The following PACS2 variants were observed in gnomAD, a reference collection of about 807,000 sequenced individuals.
PACS2 encodes phosphofurin acidic cluster sorting protein 2, also known as PACS1-like protein.
PACS2 carries 36 observed loss-of-function variants against 113.0 expected under a neutral mutation model. The ratio of observed to expected loss-of-function variants is 0.32; its 90% confidence interval spans 0.24 to 0.42. PACS2 has a LOEUF of 0.42. Among genes scored for constraint, PACS2 ranks in the 10% least tolerant of loss-of-function variants. The probability of loss-of-function intolerance (pLI) is 1.00; values close to 1 mark genes in which losing one functional copy is unlikely to be tolerated. For missense variants in PACS2, 1,015 were observed against 1,239.5 expected (o/e 0.82, Z 2.72); for synonymous variants, 589 against 536.1 (o/e 1.10, Z -1.36).
In PACS2 at chr14:105,396,632, C is replaced by T. The variant is rs1319625910; in HGVS notation, c.*1960C>T. 6 of 151,836 alleles carry T rather than the reference C, an allele frequency of 4.0e-5. No homozygotes were observed. The highest frequency in any genetic ancestry group is 1.2e-4 in the African/African-American group (5 of 41,228). The allele number at this position is 151,836 out of a possible 1,614,324, so 9.4% of individuals were successfully genotyped here. A position where few individuals can be genotyped will look rare whatever the true frequency, so the allele number is the denominator to read the frequency against. On this transcript the variant is annotated 3_prime_UTR_variant, in exon 25 of 25. Transcript: ENST00000447393. ...TCTCCTGCCTCAGCCTCCCGAGTAGCTGGGATTACAGGCGTGTGCCACCAC... is the reference window on the plus strand; with the variant it reads ...TCTCCTGCCTCAGCCTCCCGAGTAGTTGGGATTACAGGCGTGTGCCACCAC...
rs1392285014 is a variant in PACS2 at position 105,382,975 on chromosome 14, C to T, written c.1625+62C>T. On this transcript the variant is annotated intron_variant, in intron 15 of 24. Transcript: ENST00000447393. ...ACCCCTCGGGGTCCCTGCACCCCCA[C>T]CTCTGCCCATTGCTCCGGGGCTAGG... is the stretch of plus-strand genomic sequence containing the variant. 7 of 980,580 alleles carry T rather than the reference C, an allele frequency of 7.1e-6. No homozygotes were observed. The Admixed American group carries it at 9.0e-5, about 13-fold the overall frequency. The allele number at this position is 980,580 out of a possible 1,614,324, so 60.7% of individuals were successfully genotyped here. A position where few individuals can be genotyped will look rare whatever the true frequency, so the allele number is the denominator to read the frequency against.
rs200350311 is a variant in PACS2 at position 105,352,587 on chromosome 14, GC to G, written c.297+126del. ...TCATCACTGTCCCCTGGGGTGATGG[GC>G]CCCCCTCATCAGTGTCCCCTGGGGA... On this transcript the variant is annotated intron_variant, in intron 3 of 24. Coordinates refer to ENST00000447393, the MANE Select transcript of PACS2 (RefSeq NM_001100913.3). The G allele has an allele frequency of 0.021, 12,493 of 598,872 alleles. 1,475 individuals carry two copies. The African/African-American group carries it at 0.23, about 11-fold the overall frequency. 37.1% of individuals were successfully genotyped at this position (598,872 alleles called of 1,614,324 possible). A position where few individuals can be genotyped will look rare whatever the true frequency, so the allele number is the denominator to read the frequency against.
chr14:105,358,017 G>T lies in PACS2; in HGVS notation c.423+2840G>T, dbSNP rs1240416814. Among the ~76,000 whole-genome samples the T allele has an allele frequency of 6.6e-6, 1 of 152,200 alleles. No homozygotes were observed. Among genetic ancestry groups the T allele is most frequent in the Non-Finnish European group, 1.5e-5 (1 of 68,018 alleles). The stretch of plus-strand genomic sequence containing the variant: ...CCAGGCTGTGGGGAGACCAGGAGGC[G>T]ATGGCTGTGGGGACACAGGTGTCAT... On this transcript the variant is annotated intron_variant, in intron 4 of 24. Transcript: ENST00000447393. The surrounding 1 kb of genome is among the most constrained non-coding windows in gnomAD (Gnocchi z 4.9).
chr14:105,312,596 G>A (rs895514006), upstream of PACS2, among the ~76,000 whole-genome samples: 1 of 152,200 alleles, frequency 6.6e-6, no homozygotes, highest in Non-Finnish European at 1.5e-5. Context: ...GCATGGGGAG[G>A]GATGCCTCCC....
chr14:105,364,425 G>T (rs1390552196), intron 4 of PACS2, among the ~76,000 whole-genome samples: 1 of 128,116 alleles, frequency 7.8e-6, no homozygotes, highest in Non-Finnish European at 1.6e-5. Flanking sequence ...GCGGTGTCCC[G>T]GGTGCGCGGT....
chr14:105,306,267 A>G (rs1406866567), intron 1 of PACS2, among the ~76,000 whole-genome samples: 1 of 151,802 alleles, frequency 6.6e-6, no homozygotes, highest in Non-Finnish European at 1.5e-5. Context: ...TTCTTCATTC[A>G]TGGTGTCTTT....
intron 1 of PACS2, among the ~76,000 whole-genome samples, chr14:105,302,204 CTTT>C (rs1274491955): frequency 2.3e-5 from 3 of 132,766 alleles, no homozygotes; most frequent in African/African-American, 2.7e-5. Context: ...TTTTTTCTTT[CTTT>C]TTTTTTTTTT....
intron 8 of PACS2, chr14:105,372,015 C>T (rs2061174656): frequency 6.6e-6 from 1 of 152,216 alleles, no homozygotes; most frequent in Admixed American, 6.5e-5. Context: ...TGTTAGAGGC[C>T]CCACTTCCTA....
intron 9 of PACS2, 79 bp downstream of exon 9, chr14:105,377,004 A>G (rs1430867989): frequency 7.0e-7 from 1 of 1,436,936 alleles, no homozygotes; most frequent in African/African-American, 1.4e-5. Flanking sequence ...TGGCAGACCC[A>G]TGTCCAGCCC....
chr14:105,314,473 C>CGGGGCGCCCCGGGCGGGGT (rs2058463693), upstream of PACS2: 3 of 149,486 alleles, frequency 2.0e-5, no homozygotes, highest in African/African-American at 7.3e-5. Flanking sequence ...CGGGGCGGGG[C>CGGGGCGCCCCGGGCGGGGT]GCCCCGGGCG....
chr14:105,357,321 T>C lies in PACS2; in HGVS notation c.423+2144T>C, dbSNP rs1264014718. ...CTGCTGCTTGAAATCCCATCATCTG[T>C]TCTTCACTCTTGGCAGAAAAGCCCC... is the stretch of plus-strand genomic sequence containing the variant. On this transcript the variant is annotated intron_variant, in intron 4 of 24. Coordinates refer to ENST00000447393, the MANE Select transcript of PACS2 (RefSeq NM_001100913.3). The surrounding 1 kb of genome is among the most constrained non-coding windows in gnomAD (Gnocchi z 5.1). Among the ~76,000 whole-genome samples the C allele has an allele frequency of 6.6e-6, 1 of 151,934 alleles. No homozygotes were observed. Among genetic ancestry groups the C allele is most frequent in the Admixed American group, 6.6e-5 (1 of 15,262 alleles).
chr14:105,373,429 G>T (rs1346771751), intron 8 of PACS2, among the ~76,000 whole-genome samples: 1 of 152,236 alleles, frequency 6.6e-6, no homozygotes, highest in Admixed American at 6.5e-5. Context: ...TTATGGGCAA[G>T]TGATGGTCAA....
At chr14:105,384,508 G>C (rs1481831877) in intron 17 of PACS2, 45 bp downstream of exon 17, 11 of 1,314,384 alleles carry the variant, frequency 8.4e-6, no homozygotes, top group Non-Finnish European at 9.7e-6. Flanking sequence ...GCGGGAGGAA[G>C]GGGCCCCGGT....
chr14:105,392,910 C>G, intron 23 of PACS2, 65 bp downstream of exon 23: 2 of 1,313,732 alleles, frequency 1.5e-6, no homozygotes, highest in South Asian at 1.2e-5. Flanking sequence ...GAGGGCGGCT[C>G]GCAGTCAACA....
intron 2 of PACS2, 96 bp from the exon 3 acceptor site, chr14:105,352,282 C>T: frequency 1.3e-6 from 1 of 796,558 alleles, no homozygotes; most frequent in Non-Finnish European, 2.2e-6. Context: ...GGGCTGCAAT[C>T]CTGCCAGTTT....
At position 105,376,792 on chromosome 14, in the gene PACS2, G is replaced by T. The variant is rs1274656440; in HGVS notation, c.826G>T (p.Ala276Ser). 1.2e-6 allele frequency: 2 copies of T among 1,613,096 alleles called. No individual in the cohort carries two copies. Among genetic ancestry groups the T allele is most frequent in the East Asian group, 4.5e-5 (2 of 44,880 alleles). The part of the protein sequence containing the change: ...DEVLDSEQDP[A>S]EHIPEAEEDL... Reference sequence around the variant, plus strand: ...GGTCCTGGACTCGGAGCAGGACCCTGCGGAGCACATCCCCGAGGCAGAGGA... The same window carrying T: ...GGTCCTGGACTCGGAGCAGGACCCTTCGGAGCACATCCCCGAGGCAGAGGA... Residue 276 changes from alanine (A) to serine (S), a missense_variant, in exon 9 of 25, where the codon GCG (alanine) becomes TCG (serine). Physicochemically the swap from Ala to Ser is moderately conservative, Grantham distance 99 (BLOSUM62 1). Around this residue, in one of 3 missense-constraint regions of PACS2, gnomAD observed 859 missense variants for 1,056.8 expected, o/e 0.81. Transcript: ENST00000447393. The surrounding 1 kb of genome is among the most constrained non-coding windows in gnomAD (Gnocchi z 4.7).
chr14:105,330,961 ATTT>A lies in PACS2; in HGVS notation c.119+15936_119+15938del, dbSNP rs113338768. Among the ~76,000 whole-genome samples the A allele has an allele frequency of 1.4e-5, 2 of 142,388 alleles. No homozygotes were observed. Among genetic ancestry groups the A allele is most frequent in the Non-Finnish European group, 1.5e-5 (1 of 64,678 alleles). 93.4% of individuals were successfully genotyped at this position (142,388 alleles called of 152,430 possible). ...GGCTTTGTTGGATGCTGGGGTTGGCATTTTTTTTTTTTTTGAGACAGAGTCATC... is the reference window on the plus strand; with the variant it reads ...GGCTTTGTTGGATGCTGGGGTTGGCATTTTTTTTTTTGAGACAGAGTCATC... On this transcript the variant is annotated intron_variant, in intron 1 of 24. Coordinates refer to ENST00000447393, the MANE Select transcript of PACS2 (RefSeq NM_001100913.3). The surrounding 1 kb of genome is among the most constrained non-coding windows in gnomAD (Gnocchi z 6.9).
intron 1 of PACS2, among the ~76,000 whole-genome samples, chr14:105,307,170 A>G (rs945531745): frequency 6.6e-6 from 1 of 151,498 alleles, no homozygotes; most frequent in Non-Finnish European, 1.5e-5. Flanking sequence ...CCAGCCTCCC[A>G]AAGTACTGAG....
chr14:105,392,554 A>T lies in PACS2; in HGVS notation c.2256-65A>T, dbSNP rs2081396262. The T allele has an allele frequency of 3.7e-6, 5 of 1,366,560 alleles. No individual in the cohort carries two copies. In the East Asian group the frequency reaches 1.2e-4, roughly 34 times the overall value. 84.7% of individuals were successfully genotyped at this position (1,366,560 alleles called of 1,614,324 possible). On this transcript the variant is annotated intron_variant, in intron 22 of 24. Transcript: ENST00000447393. ...TGTCACCTCCTGGCCTGTCACAGGG[A>T]CAGTGATGTCCCCATCACTAGGCCC...
Sources: gnomAD v4.1 joint callset for allele counts (sites outside exome capture counted in the v4.1 genomes callset) on GRCh38, gnomAD v4.1.1 for gene constraint, gnomAD v4.1.1 regional missense constraint, Gnocchi (gnomAD v3.1) non-coding constraint, MANE v1.5 for transcripts, NCBI Gene and HGNC (gene_info 2026-07-23, HGNC 2026-07-21) for gene names.